Variants in IL17RC observed in about 807,000 individuals in gnomAD.
IL17RC encodes the protein interleukin 17 receptor C, also known as interleukin-17 receptor C.
A neutral mutation model predicts 86.7 loss-of-function variants in IL17RC; 53 were observed. The ratio of observed to expected loss-of-function variants is 0.61; its 90% CI spans 0.49 to 0.77. The LOEUF (loss-of-function observed/expected upper bound fraction) is 0.77, where lower values mean the gene tolerates loss of function less well. Ranked by LOEUF, IL17RC falls within the 30% of genes least tolerant of loss-of-function variation. The probability of loss-of-function intolerance (pLI) is 0.00; values close to 1 mark genes in which losing one functional copy is unlikely to be tolerated. For synonymous variants in IL17RC, 439 were observed against 413.1 expected (o/e 1.06, Z -0.76); for missense variants, 957 against 940.0 (o/e 1.02, Z -0.24).
At chr3:9,927,068 C>T (rs902834814) in intron 9 of IL17RC, among the ~76,000 whole-genome samples, 5 of 152,346 alleles carry the variant, frequency 3.3e-5, no homozygotes, top group Non-Finnish European at 5.9e-5. Context: ...AACACAGTGC[C>T]TGCCACATAG....
At chr3:9,924,653 C>T (rs1297026831) in intron 9 of IL17RC, among the ~76,000 whole-genome samples, 6 of 152,206 alleles carry the variant, frequency 3.9e-5, no homozygotes, top group Non-Finnish European at 8.8e-5. Context: ...CATTTGCTAG[C>T]TGTGTAACCT....
At chr3:9,932,899 G>A (rs1427604129) in intron 18 of IL17RC, 41 bp downstream of exon 18, 13 of 1,597,024 alleles carry the variant, frequency 8.1e-6, no homozygotes, top group Admixed American at 1.8e-5. Context: ...CGCCCCCGGG[G>A]AGCCAGGCCT....
chr3:9,925,885 C>G (rs549079592), intron 9 of IL17RC, among the ~76,000 whole-genome samples: 1 of 149,402 alleles, frequency 6.7e-6, no homozygotes, highest in South Asian at 2.1e-4. Context: ...TTAGAGACAG[C>G]ATTTTGCTCT....
Position 9,930,375 on chromosome 3 carries a change from G to A in IL17RC, c.1279-25G>A, listed in dbSNP as rs1344352479. The A allele has an allele frequency of 1.2e-6, 2 of 1,613,540 alleles. No homozygotes were observed. On this transcript the variant is annotated intron_variant, in intron 14 of 18. Coordinates refer to ENST00000403601, the MANE Select transcript of IL17RC (RefSeq NM_153460.4). The surrounding 1 kb of genome is among the most constrained non-coding windows in gnomAD (Gnocchi z 5.8). Reference sequence around the variant, plus strand: ...CTAAGGGTGCTACCTCCAGGTAACAGTGCCCCCATCCTTTGGCTTGGCAGA... The same window carrying A: ...CTAAGGGTGCTACCTCCAGGTAACAATGCCCCCATCCTTTGGCTTGGCAGA...
In IL17RC at chr3:9,917,124, T is replaced by C; in HGVS notation, c.-192T>C. 1.7e-6 allele frequency: 1 copy of C among 584,280 alleles called. No homozygotes were observed. Among genetic ancestry groups the C allele is most frequent in the Non-Finnish European group, 3.0e-6 (1 of 328,558 alleles). The allele number at this position is 584,280 out of a possible 1,614,324, so 36.2% of individuals were successfully genotyped here. ...AAACGAAAGCACTCCGTGCTGGAAG[T>C]AGGAGGAGAGTCAGGACTCCCAGGA... On this transcript the variant is annotated 5_prime_UTR_variant, in exon 1 of 19. Transcript: ENST00000403601.
chr3:9,931,616 C>T (rs887398476), intron 16 of IL17RC, among the ~76,000 whole-genome samples: 1 of 151,364 alleles, frequency 6.6e-6, no homozygotes, highest in Non-Finnish European at 1.5e-5. Flanking sequence ...AAGCAATTCT[C>T]TACCTCAGCC....
At position 9,930,196 on chromosome 3, in the gene IL17RC, C is replaced by T. The variant is rs1177447104; in HGVS notation, c.1278+47C>T. 6.2e-7 allele frequency: 1 copy of T among 1,605,962 alleles called. No homozygotes were observed. The highest frequency in any genetic ancestry group is 2.2e-5 in the East Asian group (1 of 44,726). On this transcript the variant is annotated intron_variant, in intron 14 of 18. Coordinates refer to ENST00000403601, the MANE Select transcript of IL17RC (RefSeq NM_153460.4). The surrounding 1 kb of genome is among the most constrained non-coding windows in gnomAD (Gnocchi z 5.8). ...TCCACAGATCTCTCCAAATGCATCT[C>T]ACATCTGGCCTCAAATTTTCACTCC...
chr3:9,931,502 T>TATAC (rs1306971037), intron 16 of IL17RC, among the ~76,000 whole-genome samples: 67 of 145,206 alleles, frequency 4.6e-4, no homozygotes, highest in African/African-American at 1.7e-3. Context: ...TATATATATA[T>TATAC]ACTTATTTTT....
intron 16 of IL17RC, among the ~76,000 whole-genome samples, chr3:9,931,449 T>G (rs1407666988): frequency 8.4e-6 from 1 of 118,350 alleles, no homozygotes; most frequent in Admixed American, 8.8e-5. Context: ...AATTTTTATA[T>G]ATTTCACACA....
At chr3:9,931,470 C>CACACACACATATATAT (rs750351615) in intron 16 of IL17RC, among the ~76,000 whole-genome samples, 15 of 43,718 alleles carry the variant, frequency 3.4e-4, no homozygotes, top group Middle Eastern at 0.024. Context: ...CACACACACA[C>CACACACACATATATAT]ATATATATAT....
rs191122401 is a variant in IL17RC at position 9,929,032 on chromosome 3, C to T, written c.1110+402C>T. 216 of 173,880 alleles carry T rather than the reference C, an allele frequency of 1.2e-3. No homozygotes were observed. The South Asian group carries it at 0.017, about 13-fold the overall frequency. The allele number at this position is 173,880 out of a possible 1,614,324, so 10.8% of individuals were successfully genotyped here. A position where few individuals can be genotyped will look rare whatever the true frequency, so the allele number is the denominator to read the frequency against. On this transcript the variant is annotated intron_variant, in intron 12 of 18. Transcript: ENST00000403601. ...GTGATTATAAGAACATTCACTCATC[C>T]GGCCAGGCGCGGTGGCTCACGCCTG...
Position 9,917,282 on chromosome 3 carries a change from G to A in IL17RC, c.-34G>A, listed in dbSNP as rs373225081. On this transcript the variant is annotated 5_prime_UTR_variant, in exon 1 of 19. Transcript: ENST00000403601. Reference sequence around the variant, plus strand: ...CCCCCTTGGGGGGGGGCAGCACAGGGCCTCAGGCCTGGGTGCCACCTGGCA... The same window carrying A: ...CCCCCTTGGGGGGGGGCAGCACAGGACCTCAGGCCTGGGTGCCACCTGGCA... 1.3e-5 allele frequency: 21 copies of A among 1,579,290 alleles called. No individual in the cohort carries two copies. The African/African-American group carries it at 1.4e-4, about 10-fold the overall frequency.
rs760233993 is a variant in IL17RC at position 9,930,947 on chromosome 3, A to G, written c.1387+4A>G. 1.2e-6 allele frequency: 2 copies of G among 1,612,698 alleles called. No homozygotes were observed. The highest frequency in any genetic ancestry group is 2.7e-5 in the African/African-American group (2 of 74,864). On this transcript the variant is annotated splice_donor_region_variant and intron_variant, in intron 16 of 18. Coordinates refer to ENST00000403601, the MANE Select transcript of IL17RC (RefSeq NM_153460.4). The surrounding 1 kb of genome is among the most constrained non-coding windows in gnomAD (Gnocchi z 5.8). Reference sequence around the variant, plus strand: ...TGGGCCTGCCCCATGGACAAATGTGAGTATTGTAAGAACTGCCTTTCCTTT... The same window carrying G: ...TGGGCCTGCCCCATGGACAAATGTGGGTATTGTAAGAACTGCCTTTCCTTT...
Position 9,933,582 on chromosome 3 carries a change from G to GA in IL17RC, c.2153dup (p.Asp718GlufsTer?). ...ACCAGGCGCGGGACCTGGGGCGGGG[G>GA]ACGGGACTTAAATAAAGGCAGACGC... On this transcript the variant is annotated frameshift_variant, in exon 19 of 19. Transcript: ENST00000403601. LOFTEE classifies it high-confidence loss of function. The GA allele has an allele frequency of 6.3e-7, 1 of 1,596,750 alleles. No homozygotes were observed. The highest frequency in any genetic ancestry group is 1.3e-5 in the African/African-American group (1 of 74,580).
At position 9,933,036 on chromosome 3, in the gene IL17RC, GC is replaced by G. The variant is rs1384095301; in HGVS notation, c.1609del (p.Leu537CysfsTer10). On this transcript the variant is annotated frameshift_variant, in exon 19 of 19. Coordinates refer to ENST00000403601, the MANE Select transcript of IL17RC (RefSeq NM_153460.4). LOFTEE classifies it low-confidence loss of function (END_TRUNC). ...FERLVGALAS[A>X]LCQLPLRVAV... Reference sequence around the variant, plus strand: ...GCGCCTGGTGGGCGCCCTGGCGTCGGCCCTGTGCCAGCTGCCGCTGCGCGTG... The same window carrying G: ...GCGCCTGGTGGGCGCCCTGGCGTCGGCCTGTGCCAGCTGCCGCTGCGCGTG... 6.4e-7 allele frequency: 1 copy of G among 1,554,358 alleles called. No homozygotes were observed. Among genetic ancestry groups the G allele is most frequent in the South Asian group, 1.2e-5 (1 of 82,750 alleles).
At chr3:9,924,053 C>T (rs1211526231) in intron 8 of IL17RC, 33 bp downstream of exon 8, 2 of 1,612,134 alleles carry the variant, frequency 1.2e-6, no homozygotes, top group East Asian at 4.5e-5. Context: ...TCCATTCCCA[C>T]TGTAGGCCGA....
At chr3:9,921,907 G>C (rs1376955089) in intron 7 of IL17RC, among the ~76,000 whole-genome samples, 1 of 148,136 alleles carries the variant, frequency 6.8e-6, no homozygotes, top group Non-Finnish European at 1.5e-5. Context: ...TTACAGGCGT[G>C]AGCCACCACG....
chr3:9,931,887 A>C (rs1410561308), intron 16 of IL17RC, among the ~76,000 whole-genome samples: 2 of 151,790 alleles, frequency 1.3e-5, no homozygotes, highest in Middle Eastern at 3.4e-3. Flanking sequence ...AAAAAAAAAA[A>C]AGACAGGGCA....
At chr3:9,923,618 T>C (rs2083781540) in intron 7 of IL17RC, among the ~76,000 whole-genome samples, 1 of 150,964 alleles carries the variant, frequency 6.6e-6, no homozygotes, top group South Asian at 2.1e-4. Context: ...CAGAGGAAAA[T>C]GACTTGTTTT....
Sources: gnomAD v4.1 joint callset for allele counts (sites outside exome capture counted in the v4.1 genomes callset) on GRCh38, gnomAD v4.1.1 for gene constraint, Gnocchi (gnomAD v3.1) non-coding constraint, MANE v1.5 for transcripts, NCBI Gene and HGNC (gene_info 2026-07-23, HGNC 2026-07-21) for gene names.